AVEN: variants seen among roughly 807,000 people sequenced by gnomAD.
The protein encoded by AVEN is apoptosis and caspase activation inhibitor.
Under a neutral mutation model 38.1 loss-of-function variants are expected in AVEN, and 41 were observed. The ratio of observed to expected loss-of-function variants is 1.08; its 90% CI spans 0.84 to 1.40. The LOEUF (loss-of-function observed/expected upper bound fraction) is 1.40, where lower values mean the gene tolerates loss of function less well. Among genes scored for constraint, AVEN ranks in the 40% most tolerant of loss-of-function variants. The probability of loss-of-function intolerance (pLI) is 0.00; values close to 1 mark genes in which losing one functional copy is unlikely to be tolerated. For synonymous variants in AVEN, 206 were observed against 171.8 expected (o/e 1.20, Z -1.56); for missense variants, 605 against 438.8 (o/e 1.38, Z -3.38).
At chr15:33,938,808 G>C (rs1894200204) in intron 2 of AVEN, among the ~76,000 whole-genome samples, 1 of 152,156 alleles carries the variant, frequency 6.6e-6, no homozygotes. Flanking sequence ...AAACCGACAG[G>C]ATCAGATACA....
chr15:33,977,468 C>T (rs1895934835), intron 2 of AVEN, among the ~76,000 whole-genome samples: 1 of 152,132 alleles, frequency 6.6e-6, no homozygotes, highest in Non-Finnish European at 1.5e-5. Flanking sequence ...CAAACCTTGA[C>T]ATTCTCTTTT....
downstream of AVEN, chr15:33,854,298 C>A: frequency 1.0e-6 from 1 of 982,610 alleles, no homozygotes; most frequent in South Asian, 1.5e-5. Flanking sequence ...GGTTATTAAA[C>A]CTGAGAGAAA....
chr15:33,869,713 G>A (rs996520120), intron 4 of AVEN, among the ~76,000 whole-genome samples: 2 of 152,068 alleles, frequency 1.3e-5, no homozygotes, highest in Non-Finnish European at 2.9e-5. Flanking sequence ...CAAATGAATG[G>A]GTAACCAATT....
downstream of AVEN, chr15:33,865,954 G>C (rs1318434585): frequency 6.5e-6 from 1 of 152,688 alleles, no homozygotes; most frequent in East Asian, 1.9e-4. Flanking sequence ...GAAAAGTACT[G>C]TACTGAAAAT....
Position 33,867,913 on chromosome 15 carries a change from G to C in AVEN, c.613-58C>G, listed in dbSNP as rs970002662. On this transcript the variant is annotated intron_variant, in intron 4 of 5. Coordinates refer to ENST00000306730, the MANE Select transcript of AVEN (RefSeq NM_020371.3). ...TGTGAGTCTTGCCATATTGGCTTAA[G>C]TAAATACATAGGAGGCTAAACGAAG... The C allele has an allele frequency of 3.5e-5, 53 of 1,513,340 alleles. 1 individual carries two copies. Among genetic ancestry groups the C allele is most frequent in the Middle Eastern group, 1.8e-4 (1 of 5,464 alleles). 93.7% of individuals were successfully genotyped at this position (1,513,340 alleles called of 1,614,324 possible).
chr15:33,868,671 T>C (rs1346484446), intron 4 of AVEN, among the ~76,000 whole-genome samples: 1 of 150,962 alleles, frequency 6.6e-6, no homozygotes, highest in Non-Finnish European at 1.5e-5. Flanking sequence ...TGGTAAAAAA[T>C]GCCAGACACA....
intron 1 of AVEN, among the ~76,000 whole-genome samples, chr15:34,020,324 A>G (rs990691468): frequency 6.6e-6 from 1 of 152,170 alleles, no homozygotes; most frequent in African/African-American, 2.4e-5. Flanking sequence ...AAAAAAAGAA[A>G]AAAAAATAGA....
chr15:33,986,951 C>T (rs1283024429), intron 2 of AVEN, among the ~76,000 whole-genome samples: 3 of 152,214 alleles, frequency 2.0e-5, no homozygotes, highest in Non-Finnish European at 4.4e-5. Flanking sequence ...GCCACCGCGC[C>T]CAGCCCAGGT....
intron 2 of AVEN, among the ~76,000 whole-genome samples, chr15:34,068,705 G>A (rs1231409621): frequency 1.3e-5 from 2 of 151,944 alleles, no homozygotes; most frequent in African/African-American, 2.4e-5. Context: ...TCTAATCCAG[G>A]ATCACACATT....
intron 3 of AVEN, among the ~76,000 whole-genome samples, chr15:33,873,407 A>G (rs1431708466): frequency 6.7e-6 from 1 of 149,660 alleles, no homozygotes; most frequent in Non-Finnish European, 1.5e-5. Flanking sequence ...CCCCCTCTCT[A>G]TTGTCTTGCG....
At chr15:33,990,546 T>C (rs1214583533) in intron 2 of AVEN, 3 of 152,226 alleles carry the variant, frequency 2.0e-5, no homozygotes, top group East Asian at 1.9e-4. Context: ...CATTAAGCCA[T>C]GTCCAGTATA....
chr15:34,064,312 C>T, intron 4 of AVEN: 6 of 1,609,768 alleles, frequency 3.7e-6, no homozygotes, highest in Non-Finnish European at 1.7e-6. Context: ...AGCAAGCTAC[C>T]CTGAAAAGTC....
chr15:33,891,921 TCTAA>T (rs1440443973), intron 2 of AVEN, among the ~76,000 whole-genome samples: 2 of 152,226 alleles, frequency 1.3e-5, no homozygotes, highest in African/African-American at 4.8e-5. Context: ...TGATCGCCAT[TCTAA>T]CTGTCATGAG....
intron 2 of AVEN, among the ~76,000 whole-genome samples, chr15:33,896,815 A>G (rs1892251398): frequency 6.6e-6 from 1 of 152,112 alleles, no homozygotes; most frequent in Non-Finnish European, 1.5e-5. Flanking sequence ...CTCCTATATA[A>G]TACACTGTAC....
chr15:34,075,139 G>A (rs541652678), exon 1 of AVEN, among the ~76,000 whole-genome samples: 106 of 132,730 alleles, frequency 8.0e-4, no homozygotes, highest in African/African-American at 2.9e-3. Flanking sequence ...CCAAGATCAC[G>A]CCACTGCACT....
At chr15:33,871,309 G>C (rs1386277935) in intron 3 of AVEN, among the ~76,000 whole-genome samples, 1 of 152,126 alleles carries the variant, frequency 6.6e-6, no homozygotes, top group Non-Finnish European at 1.5e-5. Context: ...GCTCATGCCC[G>C]TAATCCCAGC....
intron 1 of AVEN, among the ~76,000 whole-genome samples, chr15:34,014,367 T>TAA (rs1171463772): frequency 0.17 from 2,313 of 13,442 alleles, 481 homozygotes; most frequent in African/African-American, 0.3. Context: ...TCCATCTCAT[T>TAA]AAAAAAAAAA....
intron 3 of AVEN, among the ~76,000 whole-genome samples, chr15:33,872,326 C>T (rs1773655011): frequency 6.6e-6 from 1 of 152,216 alleles, no homozygotes; most frequent in Admixed American, 6.5e-5. Flanking sequence ...TAAAGGCACA[C>T]TCTTTAGTAA....
chr15:33,937,722 G>C (rs1342500676), intron 2 of AVEN, among the ~76,000 whole-genome samples: 1 of 151,900 alleles, frequency 6.6e-6, no homozygotes, highest in Non-Finnish European at 1.5e-5. Flanking sequence ...ACACCAGAGA[G>C]TTTCCTCACT....
Sources: gnomAD v4.1 joint callset for allele counts (sites outside exome capture counted in the v4.1 genomes callset) on GRCh38, gnomAD v4.1.1 for gene constraint, MANE v1.5 for transcripts, NCBI Gene and HGNC (gene_info 2026-07-23, HGNC 2026-07-21) for gene names.